TNIP3: variants seen among roughly 807,000 people sequenced by gnomAD.
TNIP3 encodes the protein TNFAIP3-interacting protein 3.
TNIP3 carries 34 observed loss-of-function variants against 54.1 expected under a neutral mutation model. The ratio of observed to expected loss-of-function variants is 0.63; its 90% CI spans 0.48 to 0.84. The LOEUF is 0.84. TNIP3 is among the 40% of genes least tolerant of loss of function. TNIP3 has a pLI of 0.00. For synonymous variants in TNIP3, 134 were observed against 136.8 expected, an observed-to-expected ratio of 0.98 and a Z score of 0.14; for missense variants, 366 against 387.6, an observed-to-expected ratio of 0.94 and a Z score of 0.47.
intron 1 of TNIP3, among the ~76,000 whole-genome samples, chr4:121,223,265 A>T (rs1727117811): frequency 6.6e-6 from 1 of 152,200 alleles, no homozygotes; most frequent in South Asian, 2.1e-4. Flanking sequence ...GAAGTAAAGG[A>T]CAGCCTGAGC....
chr4:121,157,681 C>T (rs113102685), intron 3 of TNIP3, among the ~76,000 whole-genome samples: 1 of 152,164 alleles, frequency 6.6e-6, no homozygotes, highest in Non-Finnish European at 1.5e-5. Flanking sequence ...ATTTGCAGCA[C>T]TTGACCTCCT....
intron 2 of TNIP3, among the ~76,000 whole-genome samples, chr4:121,199,301 T>C (rs150883245): frequency 2.0e-5 from 3 of 152,142 alleles, no homozygotes; most frequent in African/African-American, 2.4e-5. Context: ...ACTGATAATA[T>C]CTACAGCACA....
intron 3 of TNIP3, among the ~76,000 whole-genome samples, chr4:121,170,337 A>T (rs1730997090): frequency 6.6e-6 from 1 of 152,208 alleles, no homozygotes. Flanking sequence ...AATCTATAGT[A>T]CAAAATCATA....
intron 1 of TNIP3, chr4:121,227,352 G>A (rs1727301090): frequency 6.5e-7 from 1 of 1,531,602 alleles, no homozygotes. Flanking sequence ...TAAGCGAAAT[G>A]AAAGTAAAGG....
intron 3 of TNIP3, among the ~76,000 whole-genome samples, chr4:121,158,337 T>C (rs1308034107): frequency 6.6e-6 from 1 of 152,230 alleles, no homozygotes; most frequent in Non-Finnish European, 1.5e-5. Context: ...GTATGGACTT[T>C]AAACCATATC....
chr4:121,135,451 G>A (rs1039389600), intron 10 of TNIP3, among the ~76,000 whole-genome samples: 3 of 151,864 alleles, frequency 2.0e-5, no homozygotes, highest in Non-Finnish European at 4.4e-5. Context: ...AGGCTTGAGC[G>A]CAGTGGCGTG....
chr4:121,203,682 C>T (rs1316576004), intron 2 of TNIP3, among the ~76,000 whole-genome samples: 1 of 151,874 alleles, frequency 6.6e-6, no homozygotes. Context: ...GTTATTGGAC[C>T]ATGTATTTTC....
At chr4:121,220,734 T>C (rs1726993277), upstream of TNIP3, among the ~76,000 whole-genome samples, 1 of 152,156 alleles carries the variant, frequency 6.6e-6, no homozygotes, top group South Asian at 2.1e-4. Flanking sequence ...CACTTAACTT[T>C]TAGAGTCAGA....
intron 9 of TNIP3, 74 bp from the exon 10 acceptor site, chr4:121,138,758 G>T: frequency 1.5e-6 from 2 of 1,356,988 alleles, no homozygotes; most frequent in Non-Finnish European, 2.1e-6. Context: ...ATACAATTAG[G>T]CTATGTGGCT....
intron 1 of TNIP3, among the ~76,000 whole-genome samples, chr4:121,223,394 C>A (rs1242342198): frequency 6.6e-6 from 1 of 152,182 alleles, no homozygotes; most frequent in Non-Finnish European, 1.5e-5. Flanking sequence ...TAAACCTGGT[C>A]TTGTACAAAA....
intron 6 of TNIP3, among the ~76,000 whole-genome samples, chr4:121,147,587 C>T (rs1463201858): frequency 2.0e-5 from 3 of 152,158 alleles, no homozygotes; most frequent in Non-Finnish European, 4.4e-5. Context: ...GAGTGGAACA[C>T]CTCTTGAGAG....
At chr4:121,141,510 C>T (rs1207220798) in intron 9 of TNIP3, among the ~76,000 whole-genome samples, 1 of 152,146 alleles carries the variant, frequency 6.6e-6, no homozygotes, top group Non-Finnish European at 1.5e-5. Context: ...TACATAAATA[C>T]ACTTTATACA....
chr4:121,187,543 A>T (rs150739520), intron 2 of TNIP3, among the ~76,000 whole-genome samples: 1 of 152,238 alleles, frequency 6.6e-6, no homozygotes, highest in African/African-American at 2.4e-5. Context: ...TTGTTAATAA[A>T]GAAGGACCAT....
At chr4:121,188,635 G>C (rs974683096) in intron 2 of TNIP3, among the ~76,000 whole-genome samples, 3 of 152,114 alleles carry the variant, frequency 2.0e-5, no homozygotes, top group African/African-American at 7.2e-5. Context: ...AATCCTATCT[G>C]GTAGAGAAGA....
intron 6 of TNIP3, among the ~76,000 whole-genome samples, chr4:121,148,304 T>G (rs537290074): frequency 8.7e-4 from 132 of 152,308 alleles, no homozygotes; most frequent in African/African-American, 3.1e-3. Context: ...AAAATATTTA[T>G]GGAGAAAGTC....
chr4:121,183,300 C>T (rs1724821065), intron 2 of TNIP3, among the ~76,000 whole-genome samples: 1 of 152,156 alleles, frequency 6.6e-6, no homozygotes, highest in Non-Finnish European at 1.5e-5. Flanking sequence ...CTTCAATTAA[C>T]CTGAAAACAA....
chr4:121,181,690 G>A (rs1560675457), intron 3 of TNIP3, among the ~76,000 whole-genome samples: 1 of 151,822 alleles, frequency 6.6e-6, no homozygotes, highest in Non-Finnish European at 1.5e-5. Flanking sequence ...CTAAGAGATG[G>A]TCTCTATAGG....
chr4:121,137,647 G>A (rs1728868070), intron 10 of TNIP3: 1 of 249,404 alleles, frequency 4.0e-6, no homozygotes, highest in African/African-American at 2.3e-5. Flanking sequence ...TTCACAACCT[G>A]CAAAACTACA....
chr4:121,141,663 G>C (rs1729124481), intron 9 of TNIP3, among the ~76,000 whole-genome samples, 153 bp downstream of exon 9: 1 of 152,182 alleles, frequency 6.6e-6, no homozygotes, highest in South Asian at 2.1e-4. Flanking sequence ...GATAATTCTA[G>C]TGTACATTGA....
Sources: gnomAD v4.1 joint callset for allele counts (sites outside exome capture counted in the v4.1 genomes callset) on GRCh38, gnomAD v4.1.1 for gene constraint, MANE v1.5 for transcripts, NCBI Gene and HGNC (gene_info 2026-07-23, HGNC 2026-07-21) for gene names.